Variants in ANGPTL5 observed in about 807,000 individuals in gnomAD.
The protein encoded by ANGPTL5 is angiopoietin like 5, also known as angiopoietin-related protein 5.
ANGPTL5 carries 34 observed loss-of-function variants against 39.4 expected under a neutral mutation model. That is an observed-to-expected ratio of 0.86 (90% confidence interval 0.66 to 1.15). The LOEUF is 1.15. Ranked by LOEUF, ANGPTL5 falls within the 50% of genes most tolerant of loss-of-function variation. ANGPTL5 has a pLI of 0.00. For synonymous variants in ANGPTL5, 146 were observed against 152.1 expected (o/e 0.96, Z 0.29); for missense variants, 467 against 457.5 (o/e 1.02, Z -0.19).
At chr11:101,904,962 C>G (rs750558265) in intron 4 of ANGPTL5, 55 bp from the exon 5 acceptor site, 170 of 1,369,582 alleles carry the variant, frequency 1.2e-4, no homozygotes, top group Non-Finnish European at 1.6e-4. Context: ...ATTGCCATCT[C>G]TAAGCCTCTC....
chr11:101,915,378 G>A, intron 1 of ANGPTL5: 1 of 1,613,794 alleles, frequency 6.2e-7, no homozygotes, highest in Non-Finnish European at 8.5e-7. Context: ...CGGCCCTCGG[G>A]AGAGCGGCGG....
intron 1 of ANGPTL5, chr11:101,915,196 A>G: frequency 6.4e-7 from 1 of 1,568,672 alleles, no homozygotes; most frequent in East Asian, 2.2e-5. Flanking sequence ...GACGGAGTGT[A>G]GGGAGGGGCC....
chr11:101,907,638 G>C (rs1266921192), intron 2 of ANGPTL5, among the ~76,000 whole-genome samples, 176 bp downstream of exon 2: 1 of 151,942 alleles, frequency 6.6e-6, no homozygotes, highest in African/African-American at 2.4e-5. Context: ...TCAGTTTATA[G>C]TTTCCTCAGT....
intron 7 of ANGPTL5, among the ~76,000 whole-genome samples, 163 bp from the exon 8 acceptor site, chr11:101,895,227 C>T (rs1225684997): frequency 6.6e-6 from 1 of 152,148 alleles, no homozygotes; most frequent in Non-Finnish European, 1.5e-5. Flanking sequence ...TGCTTACCTA[C>T]TTCATAAAAC....
chr11:101,900,633 G>C, intron 6 of ANGPTL5, 83 bp from the exon 7 acceptor site: 1 of 1,483,862 alleles, frequency 6.7e-7, no homozygotes, highest in Non-Finnish European at 9.3e-7. Flanking sequence ...TCATCCTTAG[G>C]CTTAGAAAAA....
At position 101,907,889 on chromosome 11, in the gene ANGPTL5, G is replaced by C. The variant is rs1184168632; in HGVS notation, c.21C>G (p.Ala7=). 1 of 1,608,374 alleles carries C rather than the reference G, an allele frequency of 6.2e-7. No homozygotes were observed. Among genetic ancestry groups the C allele is most frequent in the Non-Finnish European group, 8.5e-7 (1 of 1,175,216 alleles). ...TACATACATTTAAGAATAAGAGTGAGGCTTGGGATGGAGACATCATATTTT... is the reference window on the plus strand; with the variant it reads ...TACATACATTTAAGAATAAGAGTGACGCTTGGGATGGAGACATCATATTTT... The part of the protein sequence containing the change: MMSPSQ[A]SLLFLNVCIF... The change falls in exon 2 of 9, where the codon GCC becomes GCG. Residue 7 remains alanine (A), a synonymous_variant. Coordinates refer to ENST00000334289, the MANE Select transcript of ANGPTL5 (RefSeq NM_178127.5).
intron 5 of ANGPTL5, among the ~76,000 whole-genome samples, chr11:101,903,478 A>G (rs1939944060): frequency 6.6e-6 from 1 of 152,018 alleles, no homozygotes; most frequent in Non-Finnish European, 1.5e-5. Flanking sequence ...TCCTAGTTCT[A>G]CTCCTAACAC....
At chr11:101,915,571 A>T (rs1940191701) in intron 1 of ANGPTL5, among the ~76,000 whole-genome samples, 1 of 152,062 alleles carries the variant, frequency 6.6e-6, no homozygotes, top group African/African-American at 2.4e-5. Flanking sequence ...CTCACCTTAG[A>T]CCTGAAATTA....
intron 1 of ANGPTL5, among the ~76,000 whole-genome samples, chr11:101,914,621 T>G (rs889874594): frequency 6.6e-6 from 1 of 152,106 alleles, no homozygotes; most frequent in Non-Finnish European, 1.5e-5. Flanking sequence ...AGACGGTGTT[T>G]GGGGATGATG....
rs1939809982 is a variant in ANGPTL5 at position 101,897,032 on chromosome 11, T to C, written c.662-1968A>G. On this transcript the variant is annotated intron_variant, in intron 7 of 8. Coordinates refer to ENST00000334289, the MANE Select transcript of ANGPTL5 (RefSeq NM_178127.5). Reference sequence around the variant, plus strand: ...TCCAGCATCTGTTGTTTCCTGACTTTTTACTTATCACCATTCTAACTGGTG... The same window carrying C: ...TCCAGCATCTGTTGTTTCCTGACTTCTTACTTATCACCATTCTAACTGGTG... Among the ~76,000 whole-genome samples the C allele has an allele frequency of 1.3e-5, 2 of 152,236 alleles. 1 individual carries two copies. Among genetic ancestry groups the C allele is most frequent in the South Asian group, 4.1e-4 (2 of 4,836 alleles).
chr11:101,893,955 C>A (rs995866617), intron 8 of ANGPTL5, among the ~76,000 whole-genome samples: 1 of 152,134 alleles, frequency 6.6e-6, no homozygotes, highest in Non-Finnish European at 1.5e-5. Flanking sequence ...TACAAGTATG[C>A]CAACATATCC....
chr11:101,907,295 A>G (rs1052402661), intron 2 of ANGPTL5, 48 bp from the exon 3 acceptor site: 1 of 1,154,528 alleles, frequency 8.7e-7, no homozygotes, highest in African/African-American at 1.6e-5. Flanking sequence ...TAAACATGTT[A>G]TATGACCTAA....
intron 2 of ANGPTL5, 66 bp from the exon 3 acceptor site, chr11:101,907,313 T>C: frequency 1.0e-6 from 1 of 997,984 alleles, no homozygotes; most frequent in East Asian, 2.7e-5. Flanking sequence ...TAATACATAA[T>C]AAAAAAGACT....
chr11:101,894,046 A>C (rs1346444290), intron 8 of ANGPTL5, among the ~76,000 whole-genome samples: 2 of 152,226 alleles, frequency 1.3e-5, no homozygotes, highest in Non-Finnish European at 2.9e-5. Flanking sequence ...TAACATTAAC[A>C]GCTTGTTAAA....
chr11:101,907,954 C>T lies in ANGPTL5; in HGVS notation c.-45G>A. ...AAACACTTCTTCAAATATCAGTCAG[C>T]TCTTTGTGGAAAGAACTACAGAGCA... On this transcript the variant is annotated 5_prime_UTR_variant, in exon 2 of 9. Transcript: ENST00000334289. The T allele has an allele frequency of 7.3e-7, 1 of 1,361,106 alleles. No homozygotes were observed. Among genetic ancestry groups the T allele is most frequent in the Non-Finnish European group, 1.0e-6 (1 of 955,538 alleles). The allele number at this position is 1,361,106 out of a possible 1,614,324, so 84.3% of individuals were successfully genotyped here. A position where few individuals can be genotyped will look rare whatever the true frequency, so the allele number is the denominator to read the frequency against.
intron 7 of ANGPTL5, among the ~76,000 whole-genome samples, chr11:101,899,554 CTA>C (rs1939858297): frequency 6.6e-6 from 1 of 152,206 alleles, no homozygotes; most frequent in Non-Finnish European, 1.5e-5. Flanking sequence ...GGATCTATAA[CTA>C]CCTAATTCAA....
chr11:101,903,878 C>G (rs995410410), intron 5 of ANGPTL5, among the ~76,000 whole-genome samples: 1 of 120,310 alleles, frequency 8.3e-6, no homozygotes, highest in Non-Finnish European at 1.8e-5. Flanking sequence ...GCCTGTGATT[C>G]GGGCATTTTT....
At chr11:101,895,222 A>G (rs560102270) in intron 7 of ANGPTL5, among the ~76,000 whole-genome samples, 158 bp from the exon 8 acceptor site, 4 of 152,210 alleles carry the variant, frequency 2.6e-5, no homozygotes, top group Non-Finnish European at 5.9e-5. Context: ...ATCAGTGCTT[A>G]CCTACTTCAT....
intron 7 of ANGPTL5, 147 bp from the exon 8 acceptor site, chr11:101,895,211 T>C (rs985044515): frequency 1.2e-5 from 8 of 654,886 alleles, no homozygotes; most frequent in Non-Finnish European, 2.0e-5. Context: ...TAGCTCAAAT[T>C]ATCAGTGCTT....
Sources: gnomAD v4.1 joint callset for allele counts (sites outside exome capture counted in the v4.1 genomes callset) on GRCh38, gnomAD v4.1.1 for gene constraint, MANE v1.5 for transcripts, NCBI Gene and HGNC (gene_info 2026-07-23, HGNC 2026-07-21) for gene names.